Variants in CREB5 observed in about 807,000 individuals in gnomAD.
The protein encoded by CREB5 is cAMP responsive element binding protein 5.
CREB5 carries 19 observed loss-of-function variants against 57.1 expected under a neutral mutation model. That is an observed-to-expected ratio of 0.33 (90% CI 0.23 to 0.49). The LOEUF is 0.49. Among genes scored for constraint, CREB5 ranks in the 20% least tolerant of loss-of-function variants. The pLI, the probability that CREB5 is intolerant of heterozygous loss-of-function variation, is 0.99. For missense variants in CREB5, 579 were observed against 671.6 expected (o/e 0.86, Z 1.52); for synonymous variants, 238 against 238.3 (o/e 1.00, Z 0.01).
intron 3 of CREB5, among the ~76,000 whole-genome samples, chr7:28,499,052 TA>T (rs1792170172): frequency 6.6e-6 from 1 of 151,784 alleles, no homozygotes; most frequent in African/African-American, 2.4e-5. Flanking sequence ...AGCAGAGCGG[TA>T]AAGAGGGTGG....
intron 5 of CREB5, among the ~76,000 whole-genome samples, chr7:28,632,698 T>G (rs1798249841): frequency 6.6e-6 from 1 of 152,200 alleles, no homozygotes; most frequent in African/African-American, 2.4e-5. Context: ...AGTTAAGGTC[T>G]CAGCTCCAGT....
At chr7:28,755,050 T>C (rs1405646372) in intron 7 of CREB5, among the ~76,000 whole-genome samples, 1 of 152,142 alleles carries the variant, frequency 6.6e-6, no homozygotes, top group Non-Finnish European at 1.5e-5. Flanking sequence ...CCAAATCCTA[T>C]AGAGTTCATC....
At chr7:28,710,004 A>G (rs1802324203) in intron 5 of CREB5, among the ~76,000 whole-genome samples, 1 of 152,212 alleles carries the variant, frequency 6.6e-6, no homozygotes, top group South Asian at 2.1e-4. Context: ...CATAGTGTAG[A>G]TTGGAGACAG....
intron 4 of CREB5, among the ~76,000 whole-genome samples, chr7:28,545,872 C>G (rs1794398999): frequency 6.6e-6 from 1 of 152,134 alleles, no homozygotes; most frequent in African/African-American, 2.4e-5. Context: ...TTACTTTTTT[C>G]ACGCAACATC....
intron 1 of CREB5, among the ~76,000 whole-genome samples, chr7:28,312,747 T>C (rs1040617745): frequency 1.3e-5 from 2 of 152,120 alleles, no homozygotes; most frequent in East Asian, 3.9e-4. Flanking sequence ...CAGGTATTGG[T>C]ATTTTGTTTT....
At chr7:28,592,822 A>G (rs913131357) in intron 5 of CREB5, among the ~76,000 whole-genome samples, 2 of 152,220 alleles carry the variant, frequency 1.3e-5, no homozygotes, top group African/African-American at 2.4e-5. Context: ...GTGCCAGCAC[A>G]TAATAACCTA....
At chr7:28,507,230 T>A (rs1792515684) in intron 3 of CREB5, among the ~76,000 whole-genome samples, 1 of 152,194 alleles carries the variant, frequency 6.6e-6, no homozygotes, top group African/African-American at 2.4e-5. Context: ...GGGTCAGATT[T>A]TTTTTTGGCC....
At position 28,742,937 on chromosome 7, in the gene CREB5, C is replaced by T. The variant is rs528397251; in HGVS notation, c.702+18605C>T. Reference sequence around the variant, plus strand: ...AGCTGGGATTACAGGTGTGCACCACCATGTCCAGCTAATTTTTTGTATTTT... The same window carrying T: ...AGCTGGGATTACAGGTGTGCACCACTATGTCCAGCTAATTTTTTGTATTTT... On this transcript the variant is annotated intron_variant, in intron 7 of 10. Coordinates refer to ENST00000357727, the MANE Select transcript of CREB5 (RefSeq NM_182898.4). 4.6e-5 allele frequency among the ~76,000 whole-genome samples: 7 copies of T among 152,236 alleles called. 1 individual carries two copies. In the South Asian group the frequency reaches 1.5e-3, roughly 32 times the overall value.
chr7:28,518,667 G>A (rs1793076199), intron 4 of CREB5, among the ~76,000 whole-genome samples: 1 of 152,104 alleles, frequency 6.6e-6, no homozygotes, highest in African/African-American at 2.4e-5. Flanking sequence ...AATGGCTAGA[G>A]GGAAACAAGA....
chr7:28,734,333 G>A (rs984721553), intron 7 of CREB5, among the ~76,000 whole-genome samples: 3 of 151,564 alleles, frequency 2.0e-5, no homozygotes, highest in African/African-American at 4.9e-5. Context: ...GCAAAGGAAT[G>A]TGTTAAAATG....
At chr7:28,316,997 A>T (rs1372257153) in intron 1 of CREB5, among the ~76,000 whole-genome samples, 1 of 151,030 alleles carries the variant, frequency 6.6e-6, no homozygotes, top group Non-Finnish European at 1.5e-5. Context: ...TTCATTCTGA[A>T]GGTAAGTCTT....
chr7:28,536,544 T>C (rs1583593594), intron 4 of CREB5, among the ~76,000 whole-genome samples: 1 of 152,228 alleles, frequency 6.6e-6, no homozygotes, highest in Non-Finnish European at 1.5e-5. Context: ...GAGGCAGCAC[T>C]GTACTGGCCT....
At chr7:28,339,763 T>C (rs931380740) in intron 1 of CREB5, among the ~76,000 whole-genome samples, 16 of 152,196 alleles carry the variant, frequency 1.1e-4, no homozygotes, top group African/African-American at 3.9e-4. Context: ...CGAGATGATG[T>C]CTGGGAGTCA....
intron 1 of CREB5, among the ~76,000 whole-genome samples, chr7:28,427,128 C>A (rs1788538760): frequency 6.6e-6 from 1 of 152,130 alleles, no homozygotes; most frequent in Admixed American, 6.5e-5. Flanking sequence ...TGAATGAATC[C>A]ATCGCCAAGA....
At chr7:28,545,647 C>G (rs1794385693) in intron 4 of CREB5, among the ~76,000 whole-genome samples, 1 of 152,166 alleles carries the variant, frequency 6.6e-6, no homozygotes, top group Non-Finnish European at 1.5e-5. Context: ...AAATTGTTTT[C>G]AAACCTCAGG....
chr7:28,580,059 G>A (rs1796059567), intron 5 of CREB5, among the ~76,000 whole-genome samples: 2 of 152,162 alleles, frequency 1.3e-5, no homozygotes. Flanking sequence ...TGGGAGGGAA[G>A]CCTACTGGAT....
intron 5 of CREB5, among the ~76,000 whole-genome samples, chr7:28,606,375 G>A (rs1167978960): frequency 6.6e-6 from 1 of 151,494 alleles, no homozygotes; most frequent in Non-Finnish European, 1.5e-5. Flanking sequence ...ATTAAAAAGT[G>A]TGAATAATTA....
At chr7:28,816,620 T>C (rs1809456884) in intron 9 of CREB5, among the ~76,000 whole-genome samples, 1 of 152,222 alleles carries the variant, frequency 6.6e-6, no homozygotes, top group Admixed American at 6.5e-5. Flanking sequence ...TGGTTGCTTA[T>C]AATTTATTTC....
At chr7:28,782,657 G>T (rs1176970903) in intron 7 of CREB5, among the ~76,000 whole-genome samples, 1 of 152,114 alleles carries the variant, frequency 6.6e-6, no homozygotes, top group African/African-American at 2.4e-5. Context: ...ACACTCTTTA[G>T]GTATTGGAAT....
Sources: allele counts gnomAD v4.1 joint callset (sites outside exome capture counted in the v4.1 genomes callset), GRCh38; gene constraint gnomAD v4.1.1; transcripts MANE v1.5; gene names NCBI Gene and HGNC (gene_info 2026-07-23, HGNC 2026-07-21).